Variants in RIMS1 observed in about 807,000 individuals in gnomAD.
RIMS1 encodes the protein regulating synaptic membrane exocytosis protein 1.
Under a neutral mutation model 214.1 loss-of-function variants are expected in RIMS1, and 83 were observed. The observed-to-expected ratio is 0.39, with a 90% CI of 0.32 to 0.47. The LOEUF (loss-of-function observed/expected upper bound fraction) is 0.47, where lower values mean the gene tolerates loss of function less well. Ranked by LOEUF, RIMS1 falls within the 20% of genes least tolerant of loss-of-function variation. RIMS1 has a pLI of 0.99. For synonymous variants in RIMS1, 793 were observed against 786.8 expected (o/e 1.01, Z -0.13); for missense variants, 2,050 against 2,161.8 (o/e 0.95, Z 1.03).
chr6:72,123,911 C>T (rs2038959893), intron 4 of RIMS1, among the ~76,000 whole-genome samples: 1 of 151,794 alleles, frequency 6.6e-6, no homozygotes, highest in South Asian at 2.1e-4. Context: ...ACTGATGGGT[C>T]TTGACTCTTT....
chr6:72,050,973 C>A (rs1051845695), intron 2 of RIMS1, among the ~76,000 whole-genome samples: 1 of 152,160 alleles, frequency 6.6e-6, no homozygotes, highest in Non-Finnish European at 1.5e-5. Context: ...GAAGCAATTA[C>A]CAGTTCCCAA....
chr6:72,138,425 A>C (rs1001372521), intron 4 of RIMS1, among the ~76,000 whole-genome samples: 3 of 152,170 alleles, frequency 2.0e-5, no homozygotes, highest in Admixed American at 6.5e-5. Context: ...AGCTTCAGGC[A>C]AAAACTAATC....
intron 1 of RIMS1, among the ~76,000 whole-genome samples, chr6:71,923,434 A>C (rs1780613376): frequency 6.6e-6 from 1 of 152,172 alleles, no homozygotes; most frequent in Non-Finnish European, 1.5e-5. Context: ...CAGTCTCCTT[A>C]AGCCATATTA....
At chr6:72,237,213 GAA>G (rs2064516232) in intron 8 of RIMS1, among the ~76,000 whole-genome samples, 1 of 140,530 alleles carries the variant, frequency 7.1e-6, no homozygotes, top group South Asian at 2.3e-4. Context: ...CTCAAAAATA[GAA>G]AGAGAGAGAG....
chr6:72,190,485 AAG>A (rs1562536493), intron 6 of RIMS1, among the ~76,000 whole-genome samples: 2 of 56,292 alleles, frequency 3.6e-5, no homozygotes, highest in Non-Finnish European at 7.1e-5. Context: ...AAAAAAAAAA[AAG>A]AAAGAAAGAA....
chr6:72,003,668 C>G (rs1584618212), intron 2 of RIMS1, among the ~76,000 whole-genome samples: 1 of 151,848 alleles, frequency 6.6e-6, no homozygotes, highest in Non-Finnish European at 1.5e-5. Flanking sequence ...TACGTAGACT[C>G]TCTACCTAAA....
intron 6 of RIMS1, among the ~76,000 whole-genome samples, chr6:72,211,422 C>T (rs1291223678): frequency 6.6e-6 from 1 of 151,998 alleles, no homozygotes; most frequent in Non-Finnish European, 1.5e-5. Context: ...GCATATTTGT[C>T]TATATGGAAG....
intron 2 of RIMS1, among the ~76,000 whole-genome samples, chr6:72,076,390 T>C (rs1175021557): frequency 6.6e-6 from 1 of 152,136 alleles, no homozygotes; most frequent in African/African-American, 2.4e-5. Flanking sequence ...CTCACTGTGC[T>C]CTCACATGGT....
At chr6:71,970,734 C>A (rs1319220560) in intron 2 of RIMS1, among the ~76,000 whole-genome samples, 1 of 152,194 alleles carries the variant, frequency 6.6e-6, no homozygotes, top group Non-Finnish European at 1.5e-5. Flanking sequence ...TCACTCAATT[C>A]TTTTCTGTTT....
Position 72,221,142 on chromosome 6 carries a change from A to G in RIMS1, c.1679-12631A>G, listed in dbSNP as rs566270782. ...TTTAAACGTAATATCTTTATTCTCC[A>G]CAGATTTCCTGGATGGTTTAACAAA... On this transcript the variant is annotated intron_variant, in intron 6 of 33. Coordinates refer to ENST00000521978, the MANE Select transcript of RIMS1 (RefSeq NM_014989.7). 1.8e-4 allele frequency among the ~76,000 whole-genome samples: 27 copies of G among 152,114 alleles called. No individual in the cohort carries two copies. The South Asian group carries it at 5.6e-3, about 32-fold the overall frequency.
chr6:72,337,696 C>T (rs886486787), intron 29 of RIMS1, among the ~76,000 whole-genome samples: 3 of 148,956 alleles, frequency 2.0e-5, no homozygotes, highest in East Asian at 4.0e-4. Context: ...CCCATTAACT[C>T]GTCATTTAGC....
At chr6:72,056,479 GC>G (rs1826207208) in intron 2 of RIMS1, among the ~76,000 whole-genome samples, 1 of 152,082 alleles carries the variant, frequency 6.6e-6, no homozygotes, top group South Asian at 2.1e-4. Context: ...ATAAAAGAAT[GC>G]CTTATGCATT....
chr6:71,894,015 A>G (rs1293478443), intron 1 of RIMS1, among the ~76,000 whole-genome samples: 1 of 152,212 alleles, frequency 6.6e-6, no homozygotes, highest in African/African-American at 2.4e-5. Context: ...CTCTTCCCCA[A>G]ATTCTTCATT....
At chr6:72,038,996 G>A (rs754037901) in intron 2 of RIMS1, among the ~76,000 whole-genome samples, 2 of 151,976 alleles carry the variant, frequency 1.3e-5, no homozygotes, top group Non-Finnish European at 2.9e-5. Context: ...CTTTTAATTA[G>A]CAGTGATAAT....
At chr6:71,935,507 AG>A (rs1784188775) in intron 1 of RIMS1, among the ~76,000 whole-genome samples, 1 of 152,246 alleles carries the variant, frequency 6.6e-6, no homozygotes, top group African/African-American at 2.4e-5. Flanking sequence ...TAAAAAGCAT[AG>A]GGTTTTCTTA....
chr6:72,069,638 G>T (rs1830123081), intron 2 of RIMS1, among the ~76,000 whole-genome samples: 1 of 152,188 alleles, frequency 6.6e-6, no homozygotes, highest in Non-Finnish European at 1.5e-5. Context: ...CTCACCCTAT[G>T]ATCTATATGT....
At chr6:72,083,303 A>G (rs560285585) in intron 2 of RIMS1, among the ~76,000 whole-genome samples, 1 of 152,282 alleles carries the variant, frequency 6.6e-6, no homozygotes, top group South Asian at 2.1e-4. Context: ...CTCTTTTTAT[A>G]AATATCAGAT....
intron 26 of RIMS1, among the ~76,000 whole-genome samples, chr6:72,304,555 A>G (rs2094955425): frequency 6.6e-6 from 1 of 151,902 alleles, no homozygotes; most frequent in Non-Finnish European, 1.5e-5. Context: ...TTGGCTTGAC[A>G]CATCTGCAAT....
chr6:72,259,038 C>T lies in RIMS1; in HGVS notation c.2980C>T (p.His994Tyr), dbSNP rs1250138805. 10 of 1,612,056 alleles carry T rather than the reference C, an allele frequency of 6.2e-6. No individual in the cohort carries two copies. The highest frequency in any genetic ancestry group is 7.6e-6 in the Non-Finnish European group (9 of 1,178,506). Residue 994 changes from histidine to tyrosine, a missense_variant, in exon 18 of 34, where the codon CAT (histidine) becomes TAT (tyrosine). Physicochemically the swap from His to Tyr is moderately conservative, Grantham distance 83. This residue lies in a region of RIMS1 where 889 missense variants were observed against 885.5 expected (regional missense o/e 1.00). Coordinates refer to ENST00000521978, the MANE Select transcript of RIMS1 (RefSeq NM_014989.7). ...TRRSRSPTRH[H>Y]DASRSPVDHR... ...AAGGTCACGTTCTCCAACCAGACACCATGATGCCTCCCGAAGTCCAGTTGA... is the reference window on the plus strand; with the variant it reads ...AAGGTCACGTTCTCCAACCAGACACTATGATGCCTCCCGAAGTCCAGTTGA...
Sources: allele counts gnomAD v4.1 joint callset (sites outside exome capture counted in the v4.1 genomes callset), GRCh38; gene constraint gnomAD v4.1.1; regional missense constraint gnomAD v4.1.1; transcripts MANE v1.5; gene names NCBI Gene and HGNC (gene_info 2026-07-23, HGNC 2026-07-21).